The following STIM2 variants were observed in gnomAD, a reference collection of about 807,000 sequenced individuals.
The protein encoded by STIM2 is stromal interaction molecule 2.
STIM2 carries 31 observed loss-of-function variants against 85.8 expected under a neutral mutation model. That is an observed-to-expected ratio of 0.36 (90% confidence interval 0.27 to 0.49). STIM2 has a LOEUF of 0.49. Among genes scored for constraint, STIM2 ranks in the 20% least tolerant of loss-of-function variants. STIM2 has a pLI of 0.98. For synonymous variants in STIM2, 356 were observed against 331.1 expected (o/e 1.08, Z -0.82); for missense variants, 841 against 927.6 (o/e 0.91, Z 1.21).
chr4:26,964,787 T>C (rs1726645564), intron 3 of STIM2, among the ~76,000 whole-genome samples: 1 of 152,160 alleles, frequency 6.6e-6, no homozygotes, highest in African/African-American at 2.4e-5. Context: ...TTTTAACAAG[T>C]AATTAAGGGA....
chr4:27,002,775 A>G, intron 6 of STIM2, 152 bp from the exon 7 acceptor site: 1 of 724,764 alleles, frequency 1.4e-6, no homozygotes, highest in Non-Finnish European at 2.0e-6. Flanking sequence ...GTTGCCTGAT[A>G]TTTGTATTAA....
At chr4:26,905,950 G>C (rs1212462838) in intron 1 of STIM2, among the ~76,000 whole-genome samples, 1 of 152,036 alleles carries the variant, frequency 6.6e-6, no homozygotes, top group Non-Finnish European at 1.5e-5. Flanking sequence ...GTTTATGTGT[G>C]TGTGTATATG....
At chr4:26,933,332 T>G (rs1339754127) in intron 2 of STIM2, among the ~76,000 whole-genome samples, 1 of 152,090 alleles carries the variant, frequency 6.6e-6, no homozygotes, top group East Asian at 1.9e-4. Context: ...TGAAGAAAAT[T>G]ATGGATTTTT....
At chr4:26,978,629 A>G (rs920534192) in intron 3 of STIM2, among the ~76,000 whole-genome samples, 9 of 152,182 alleles carry the variant, frequency 5.9e-5, no homozygotes, top group Non-Finnish European at 7.3e-5. Context: ...AATGCCAGAA[A>G]GTAACTGGCT....
intron 2 of STIM2, among the ~76,000 whole-genome samples, chr4:26,941,175 C>T (rs1056864989): frequency 6.6e-6 from 1 of 152,148 alleles, no homozygotes; most frequent in Admixed American, 6.6e-5. Context: ...CATGAGTATA[C>T]AGGCATTTCC....
At chr4:27,003,136 A>G (rs761887052) in intron 7 of STIM2, 32 bp downstream of exon 7, 1 of 1,541,434 alleles carries the variant, frequency 6.5e-7, no homozygotes, top group South Asian at 1.3e-5. Context: ...TCACTTGTAA[A>G]GATGTTAACA....
rs1382686995 is a variant in STIM2 at position 27,022,831 on chromosome 4, A to G, written c.2076A>G (p.Lys692=). ...TTTCCAGTGGCATCCCGGTGCCTAA[A>G]CCTCGCCACACATCATGTTCCTCAG... The change falls in exon 12 of 12, where the codon AAA becomes AAG. Residue 692 remains lysine (K), a synonymous_variant. Transcript: ENST00000467087. 6 of 1,614,182 alleles carry G rather than the reference A, an allele frequency of 3.7e-6. No homozygotes were observed. In the South Asian group the frequency reaches 4.4e-5, roughly 12 times the overall value.
At chr4:27,021,223 C>G (rs1728899600) in intron 11 of STIM2, 2 of 604,178 alleles carry the variant, frequency 3.3e-6, no homozygotes, top group Non-Finnish European at 5.7e-6. Context: ...TAATAAGGCT[C>G]CTTGTCCTTA....
intron 3 of STIM2, among the ~76,000 whole-genome samples, chr4:26,986,462 G>A (rs1312260143): frequency 6.6e-6 from 1 of 152,140 alleles, no homozygotes; most frequent in Non-Finnish European, 1.5e-5. Context: ...TTTTAGGCTT[G>A]TAACTTAATA....
intron 3 of STIM2, among the ~76,000 whole-genome samples, chr4:26,978,365 C>T (rs917106846): frequency 6.7e-6 from 1 of 149,758 alleles, no homozygotes; most frequent in African/African-American, 2.4e-5. Flanking sequence ...ATAATTGATA[C>T]AGGAGAAGAT....
intron 10 of STIM2, among the ~76,000 whole-genome samples, chr4:27,014,443 C>T (rs963063026): frequency 6.6e-6 from 1 of 151,076 alleles, no homozygotes; most frequent in East Asian, 1.9e-4. Flanking sequence ...TATCTAGAAG[C>T]ATATGTTTTA....
At chr4:26,923,535 A>G (rs1359507069) in intron 2 of STIM2, among the ~76,000 whole-genome samples, 17 of 142,102 alleles carry the variant, frequency 1.2e-4, no homozygotes, top group South Asian at 2.5e-4. Flanking sequence ...AGCGCTAAAC[A>G]TGGAAAGGAA....
At chr4:26,957,473 A>G (rs1726290129) in intron 2 of STIM2, 139 bp from the exon 3 acceptor site, 1 of 472,182 alleles carries the variant, frequency 2.1e-6, no homozygotes, top group Non-Finnish European at 3.8e-6. Context: ...ATGTAAGAAT[A>G]ATGTGACTAC....
chr4:26,906,183 C>A (rs1393643229), intron 1 of STIM2, among the ~76,000 whole-genome samples: 1 of 152,022 alleles, frequency 6.6e-6, no homozygotes, highest in Non-Finnish European at 1.5e-5. Context: ...ACACAGAAAA[C>A]CAAATACTGT....
intron 1 of STIM2, among the ~76,000 whole-genome samples, chr4:26,880,045 T>A (rs1404996679): frequency 2.0e-5 from 3 of 152,160 alleles, no homozygotes; most frequent in Non-Finnish European, 4.4e-5. Flanking sequence ...GATAATTTTC[T>A]CCCCCCGCTT....
intron 1 of STIM2, 28 bp downstream of exon 1, chr4:26,861,397 G>T (rs1391480109): frequency 7.8e-7 from 1 of 1,283,818 alleles, no homozygotes; most frequent in South Asian, 2.5e-5. Context: ...GGCGGGCGGG[G>T]CTCGGCCGGC....
intron 3 of STIM2, among the ~76,000 whole-genome samples, chr4:26,979,340 A>G (rs1006184288): frequency 3.3e-5 from 5 of 152,248 alleles, no homozygotes. Context: ...TGAGAAAGAG[A>G]TGCTTTCTGA....
At chr4:26,965,452 C>T (rs1189093915) in intron 3 of STIM2, among the ~76,000 whole-genome samples, 1 of 152,052 alleles carries the variant, frequency 6.6e-6, no homozygotes, top group African/African-American at 2.4e-5. Context: ...AGTTTGCTCC[C>T]TTTTCCCTTT....
chr4:26,945,630 A>G lies in STIM2; in HGVS notation c.283-11982A>G, dbSNP rs571803219. ...AGCATCTGTTATTTTTTGACTTTTA[A>G]TAATAGCCATTCTGACTGGTGTGCA... On this transcript the variant is annotated intron_variant, in intron 2 of 11. Coordinates refer to ENST00000467087, the MANE Select transcript of STIM2 (RefSeq NM_020860.4). 2.0e-5 allele frequency among the ~76,000 whole-genome samples: 3 copies of G among 152,232 alleles called. 1 individual carries two copies. Among genetic ancestry groups the G allele is most frequent in the Middle Eastern group, 3.4e-3 (1 of 294 alleles).
Sources: gnomAD v4.1 joint callset for allele counts (sites outside exome capture counted in the v4.1 genomes callset) on GRCh38, gnomAD v4.1.1 for gene constraint, MANE v1.5 for transcripts, NCBI Gene and HGNC (gene_info 2026-07-23, HGNC 2026-07-21) for gene names.